Variants in DLGAP2 observed in about 807,000 individuals in gnomAD.
The protein encoded by DLGAP2 is DLG associated protein 2.
Under a neutral mutation model 100.3 loss-of-function variants are expected in DLGAP2, and 26 were observed. That is an observed-to-expected ratio of 0.26 (90% CI 0.19 to 0.36). The LOEUF is 0.36. DLGAP2 is among the 10% of genes least tolerant of loss of function. DLGAP2 has a pLI of 1.00. For synonymous variants in DLGAP2, 886 were observed against 630.1 expected (o/e 1.41, Z -6.08); for missense variants, 1,858 against 1,453.2 (o/e 1.28, Z -4.53).
intron 13 of DLGAP2, among the ~76,000 whole-genome samples, chr8:1,693,169 T>TAG: frequency 6.8e-6 from 1 of 148,070 alleles, no homozygotes; most frequent in Admixed American, 6.8e-5. Flanking sequence ...AACTACATAT[T>TAG]TTATATATAC....
chr8:1,017,438 A>G (rs112610249), intron 2 of DLGAP2, among the ~76,000 whole-genome samples: 328 of 7,088 alleles, frequency 0.046, 7 homozygotes, highest in Middle Eastern at 0.12. Flanking sequence ...CACTGTGTGT[A>G]TGACCAGGAC....
chr8:828,984 C>G (rs1347934770), intron 1 of DLGAP2, among the ~76,000 whole-genome samples: 3 of 152,042 alleles, frequency 2.0e-5, no homozygotes, highest in Admixed American at 6.6e-5. Context: ...GAATCACTGG[C>G]TTTTAGTTAG....
chr8:1,269,720 G>T (rs902463716), intron 3 of DLGAP2, among the ~76,000 whole-genome samples: 2 of 152,114 alleles, frequency 1.3e-5, no homozygotes, highest in Non-Finnish European at 2.9e-5. Context: ...AGCCAATCTT[G>T]TGATCAGATG....
chr8:1,627,425 C>G (rs1344791754), intron 7 of DLGAP2, among the ~76,000 whole-genome samples: 2 of 152,192 alleles, frequency 1.3e-5, no homozygotes, highest in Non-Finnish European at 2.9e-5. Flanking sequence ...AATCAGGTGC[C>G]TGAGACACGG....
chr8:1,084,834 C>G (rs772691752), intron 2 of DLGAP2, among the ~76,000 whole-genome samples: 1 of 152,166 alleles, frequency 6.6e-6, no homozygotes, highest in Non-Finnish European at 1.5e-5. Context: ...GCTTCAGTGA[C>G]CATGGGAGTG....
chr8:1,188,989 G>C (rs113544701), intron 2 of DLGAP2, among the ~76,000 whole-genome samples: 1 of 122,724 alleles, frequency 8.1e-6, no homozygotes, highest in African/African-American at 5.7e-5. Context: ...CCCCAGGCCG[G>C]TTCCGCGGTT....
rs528824055 is a variant in DLGAP2, at chr8:1,192,291, T to C, written c.74-66560T>C. ...TTTTCAAGTACTTATTTACGCTTAT[T>C]AATTTTAAGTGACAAAAGTATATAT... On this transcript the variant is annotated intron_variant, in intron 2 of 14. Coordinates refer to ENST00000637795, the MANE Select transcript of DLGAP2 (RefSeq NM_001346810.2). 2.0e-5 allele frequency among the ~76,000 whole-genome samples: 3 copies of C among 152,318 alleles called. No individual in the cohort carries two copies. The South Asian group carries it at 6.2e-4, about 32-fold the overall frequency.
At chr8:1,251,672 G>T (rs1160819179) in intron 2 of DLGAP2, among the ~76,000 whole-genome samples, 1 of 152,224 alleles carries the variant, frequency 6.6e-6, no homozygotes, top group East Asian at 1.9e-4. Flanking sequence ...GGTCATGTTG[G>T]AATACAGTCA....
intron 6 of DLGAP2, among the ~76,000 whole-genome samples, chr8:1,585,692 C>T (rs1024630521): frequency 2.0e-5 from 3 of 152,214 alleles, no homozygotes; most frequent in African/African-American, 7.2e-5. Flanking sequence ...CCTGGCGGCC[C>T]CGTGCCCCCA....
intron 1 of DLGAP2, among the ~76,000 whole-genome samples, chr8:904,565 A>C (rs1407216932): frequency 2.0e-5 from 3 of 152,184 alleles, no homozygotes; most frequent in Admixed American, 2.0e-4. Flanking sequence ...ACGTGTGGTC[A>C]CTGACCCGGG....
At chr8:1,279,427 T>C (rs1014376942) in intron 3 of DLGAP2, among the ~76,000 whole-genome samples, 12 of 152,246 alleles carry the variant, frequency 7.9e-5, no homozygotes, top group African/African-American at 2.7e-4. Context: ...GAAAGTTAGA[T>C]GTGTTCAAAA....
chr8:1,281,037 C>G (rs1014086099), intron 3 of DLGAP2, among the ~76,000 whole-genome samples: 3 of 152,204 alleles, frequency 2.0e-5, no homozygotes, highest in African/African-American at 7.2e-5. Flanking sequence ...TGAGCCTTCT[C>G]TGTAAAAATG....
At chr8:1,080,922 TA>T (rs1165200511) in intron 2 of DLGAP2, among the ~76,000 whole-genome samples, 1 of 152,214 alleles carries the variant, frequency 6.6e-6, no homozygotes, top group East Asian at 1.9e-4. Context: ...TATCTAGCAC[TA>T]AAATATTTTT....
Position 1,690,703 on chromosome 8 carries a change from C to CAAAAAAAAA in DLGAP2, c.2705-814_2705-806dup, listed in dbSNP as rs71190752. Among the ~76,000 whole-genome samples the CAAAAAAAAA allele has an allele frequency of 3.4e-3, 214 of 62,050 alleles. 7 individuals are homozygous for CAAAAAAAAA. The highest frequency in any genetic ancestry group is 9.2e-3 in the East Asian group (18 of 1,948). The allele number at this position is 62,050 out of a possible 152,430, so 40.7% of individuals were successfully genotyped here. On this transcript the variant is annotated intron_variant, in intron 12 of 14. Coordinates refer to ENST00000637795, the MANE Select transcript of DLGAP2 (RefSeq NM_001346810.2). Reference sequence around the variant, plus strand: ...TGGGCGATAAAGGGAGACCCTATCTCAAAAAAAAAAAAAAAAAAAAAAAAA... The same window carrying CAAAAAAAAA: ...TGGGCGATAAAGGGAGACCCTATCTCAAAAAAAAAAAAAAAAAAAAAAAAAAAAAAAAAA...
chr8:1,408,617 G>C lies in DLGAP2; in HGVS notation c.107-92749G>C, dbSNP rs1796642635. ...GGAGTTTCTAAGCCTGTTTTCTGGA[G>C]CAGGCAACATGGATTCACGCATAAC... On this transcript the variant is annotated intron_variant, in intron 3 of 14. Coordinates refer to ENST00000637795, the MANE Select transcript of DLGAP2 (RefSeq NM_001346810.2). Among the ~76,000 whole-genome samples the C allele has an allele frequency of 2.0e-5, 3 of 152,308 alleles. No individual in the cohort carries two copies. In the South Asian group the frequency reaches 6.2e-4, roughly 32 times the overall value.
chr8:1,624,061 G>T (rs1404060755), intron 6 of DLGAP2, among the ~76,000 whole-genome samples: 2 of 152,204 alleles, frequency 1.3e-5, no homozygotes, highest in East Asian at 3.8e-4. Flanking sequence ...CTTCGTTCAC[G>T]TAGCAGGCAC....
intron 3 of DLGAP2, among the ~76,000 whole-genome samples, chr8:1,443,955 A>T (rs1252574738): frequency 6.6e-6 from 1 of 152,214 alleles, no homozygotes; most frequent in Admixed American, 6.5e-5. Flanking sequence ...CTATAACAAG[A>T]CAGAGCTGTG....
chr8:1,180,258 A>C (rs906705906), intron 2 of DLGAP2, among the ~76,000 whole-genome samples: 3 of 152,228 alleles, frequency 2.0e-5, no homozygotes, highest in Non-Finnish European at 4.4e-5. Context: ...ACATATGTCC[A>C]TGTAACCCAC....
At chr8:1,688,447 A>G (rs946072656) in intron 12 of DLGAP2, 1 of 152,192 alleles carries the variant, frequency 6.6e-6, no homozygotes, top group African/African-American at 2.4e-5. Flanking sequence ...TTCATACCCT[A>G]GAAGCAATGG....
Sources: allele counts gnomAD v4.1 joint callset (sites outside exome capture counted in the v4.1 genomes callset), GRCh38; gene constraint gnomAD v4.1.1; transcripts MANE v1.5; gene names NCBI Gene and HGNC (gene_info 2026-07-23, HGNC 2026-07-21).